The following WWP1 variants were observed in gnomAD, a reference collection of about 807,000 sequenced individuals.
WWP1 encodes the protein NEDD4-like E3 ubiquitin-protein ligase WWP1.
A neutral mutation model predicts 130.6 loss-of-function variants in WWP1; 49 were observed. The ratio of observed to expected loss-of-function variants is 0.38; its 90% CI spans 0.30 to 0.48. The LOEUF is 0.48. Among genes scored for constraint, WWP1 ranks in the 20% least tolerant of loss-of-function variants. The pLI, the probability that WWP1 is intolerant of heterozygous loss-of-function variation, is 0.99. For synonymous variants in WWP1, 332 were observed against 367.8 expected, an observed-to-expected ratio of 0.90 and a Z score of 1.11; for missense variants, 809 against 1,100.6, an observed-to-expected ratio of 0.74 and a Z score of 3.75.
At position 86,452,683 on chromosome 8, in the gene WWP1, A is replaced by G. The variant is rs1025844921; in HGVS notation, c.2394+4A>G. On this transcript the variant is annotated splice_donor_region_variant and intron_variant, in intron 21 of 24. Coordinates refer to ENST00000517970, the MANE Select transcript of WWP1 (RefSeq NM_007013.4). ...CTTCGATGAAAAAGAATTAGAGGTTAGGCCCTTTTATTATGCTATTGTAGG... is the reference window on the plus strand; with the variant it reads ...CTTCGATGAAAAAGAATTAGAGGTTGGGCCCTTTTATTATGCTATTGTAGG... The G allele has an allele frequency of 1.9e-6, 3 of 1,611,736 alleles. No individual in the cohort carries two copies. The African/African-American group carries it at 4.0e-5, about 22-fold the overall frequency.
At chr8:86,407,696 T>G (rs1808356631) in intron 8 of WWP1, among the ~76,000 whole-genome samples, 1 of 152,218 alleles carries the variant, frequency 6.6e-6, no homozygotes, top group African/African-American at 2.4e-5. Flanking sequence ...AATTATTGAA[T>G]AGAAATAATT....
chr8:86,349,638 T>G (rs1822800050), intron 1 of WWP1, among the ~76,000 whole-genome samples: 1 of 152,120 alleles, frequency 6.6e-6, no homozygotes, highest in Non-Finnish European at 1.5e-5. Flanking sequence ...TGACAGCACA[T>G]CTGGCTTACT....
intron 1 of WWP1, among the ~76,000 whole-genome samples, chr8:86,363,639 GA>G (rs1161448265): frequency 1.3e-5 from 2 of 151,588 alleles, no homozygotes; most frequent in Non-Finnish European, 2.9e-5. Context: ...CCGTCTCTAC[GA>G]AAAATAAACA....
chr8:86,461,052 G>T (rs1199803888), intron 22 of WWP1, among the ~76,000 whole-genome samples, 172 bp from the exon 23 acceptor site: 3 of 151,818 alleles, frequency 2.0e-5, no homozygotes, highest in Non-Finnish European at 4.4e-5. Context: ...CTCGTGATCC[G>T]CCTGCTTCGG....
At chr8:86,421,641 G>C (rs957292993) in intron 9 of WWP1, among the ~76,000 whole-genome samples, 2 of 151,980 alleles carry the variant, frequency 1.3e-5, no homozygotes, top group Admixed American at 6.6e-5. Flanking sequence ...TGGCTAACAC[G>C]GTGAAACCCC....
intron 5 of WWP1, among the ~76,000 whole-genome samples, chr8:86,392,754 C>G (rs73271015): frequency 7.0e-6 from 1 of 141,948 alleles, no homozygotes; most frequent in Admixed American, 7.0e-5. Context: ...TATAAATTCA[C>G]TTACTATCAA....
intron 2 of WWP1, among the ~76,000 whole-genome samples, chr8:86,372,017 A>ATTTTTT (rs34458424): frequency 4.6e-4 from 32 of 70,198 alleles, no homozygotes; most frequent in African/African-American, 1.6e-3. Context: ...TAATTTTTGT[A>ATTTTTT]TTTTTTTTTT....
chr8:86,361,190 G>GA lies in WWP1; in HGVS notation c.-114-7749_-114-7748insA, dbSNP rs1189631847. Among the ~76,000 whole-genome samples the GA allele has an allele frequency of 2.0e-5, 3 of 152,290 alleles. No individual in the cohort carries two copies. In the East Asian group the frequency reaches 5.8e-4, roughly 29 times the overall value. On this transcript the variant is annotated intron_variant, in intron 1 of 24. Coordinates refer to ENST00000517970, the MANE Select transcript of WWP1 (RefSeq NM_007013.4). ...GTGGGGCAGGAAGACCATTTAGCAA[G>GA]CTGTGCTTAGTTTGGATGAGAAATT...
chr8:86,376,479 G>C (rs1024458487), intron 3 of WWP1, among the ~76,000 whole-genome samples: 2 of 152,086 alleles, frequency 1.3e-5, no homozygotes, highest in Admixed American at 1.3e-4. Flanking sequence ...TTAGGCATGA[G>C]AATCACTTGA....
intron 10 of WWP1, among the ~76,000 whole-genome samples, 185 bp downstream of exon 10, chr8:86,425,503 CTG>C (rs1809569043): frequency 6.6e-6 from 1 of 152,174 alleles, no homozygotes; most frequent in African/African-American, 2.4e-5. Flanking sequence ...CCTCAAGAGA[CTG>C]TCAAGCATTG....
chr8:86,400,873 T>C (rs1011892406), intron 7 of WWP1, among the ~76,000 whole-genome samples: 16 of 151,896 alleles, frequency 1.1e-4, no homozygotes, highest in South Asian at 8.3e-4. Context: ...ACCAGGAGAG[T>C]GACGTGATGA....
intron 7 of WWP1, among the ~76,000 whole-genome samples, chr8:86,400,126 C>T (rs886423695): frequency 5.3e-5 from 8 of 151,822 alleles, no homozygotes; most frequent in South Asian, 4.2e-4. Flanking sequence ...GTCAGGAGTT[C>T]GAGACCAGCC....
chr8:86,378,456 C>A (rs920445588), intron 3 of WWP1, among the ~76,000 whole-genome samples: 4 of 151,820 alleles, frequency 2.6e-5, no homozygotes, highest in African/African-American at 9.7e-5. Context: ...TTTGAGTTAA[C>A]TCTCCCTACC....
intron 1 of WWP1, among the ~76,000 whole-genome samples, chr8:86,343,596 G>C (rs990334649): frequency 6.6e-6 from 1 of 151,832 alleles, no homozygotes; most frequent in Non-Finnish European, 1.5e-5. Flanking sequence ...TTACCTTTAC[G>C]ACCTTTAAAT....
At chr8:86,420,074 A>G (rs755478026) in intron 9 of WWP1, among the ~76,000 whole-genome samples, 1 of 152,186 alleles carries the variant, frequency 6.6e-6, no homozygotes, top group African/African-American at 2.4e-5. Flanking sequence ...TTAGAAAGCT[A>G]CTAGGACTTG....
intron 5 of WWP1, among the ~76,000 whole-genome samples, chr8:86,387,680 G>A (rs1222348832): frequency 1.3e-5 from 2 of 151,816 alleles, no homozygotes; most frequent in African/African-American, 4.8e-5. Context: ...GCACCACCAT[G>A]TGCGGCTCAT....
At chr8:86,413,362 T>A (rs374381032) in intron 9 of WWP1, among the ~76,000 whole-genome samples, 1 of 152,118 alleles carries the variant, frequency 6.6e-6, no homozygotes, top group African/African-American at 2.4e-5. Flanking sequence ...CTGTTCTTAC[T>A]GTCAAGAACC....
chr8:86,409,763 G>A (rs1808484750), intron 8 of WWP1, among the ~76,000 whole-genome samples: 1 of 151,924 alleles, frequency 6.6e-6, no homozygotes, highest in South Asian at 2.1e-4. Context: ...GGGGGGCTGA[G>A]GAAGGAGAAC....
chr8:86,453,754 A>T (rs1000828471), intron 21 of WWP1, among the ~76,000 whole-genome samples: 1 of 151,968 alleles, frequency 6.6e-6, no homozygotes, highest in Admixed American at 6.6e-5. Context: ...TATCCACCCT[A>T]ATGGGTGTGA....
Sources: allele counts gnomAD v4.1 joint callset (sites outside exome capture counted in the v4.1 genomes callset), GRCh38; gene constraint gnomAD v4.1.1; transcripts MANE v1.5; gene names NCBI Gene and HGNC (gene_info 2026-07-23, HGNC 2026-07-21).